Variants in SEMA3E observed in about 807,000 individuals in gnomAD.
SEMA3E encodes the protein semaphorin-3E.
Under a neutral mutation model 93.6 loss-of-function variants are expected in SEMA3E, and 49 were observed. That is an observed-to-expected ratio of 0.52 (90% CI 0.42 to 0.66). SEMA3E has a LOEUF of 0.66. Among genes scored for constraint, SEMA3E ranks in the 30% least tolerant of loss-of-function variants. SEMA3E has a pLI of 0.00. For missense variants in SEMA3E, 906 were observed against 964.8 expected, an observed-to-expected ratio of 0.94 and a Z score of 0.81; for synonymous variants, 363 against 330.7, an observed-to-expected ratio of 1.10 and a Z score of -1.06.
intron 14 of SEMA3E, among the ~76,000 whole-genome samples, chr7:83,388,622 C>A (rs1406558344): frequency 6.6e-6 from 1 of 151,832 alleles, no homozygotes; most frequent in Non-Finnish European, 1.5e-5. Context: ...GCATAGCTCC[C>A]AAAGTGACAA....
Position 83,570,539 on chromosome 7 carries a change from C to A in SEMA3E, c.115+77889G>T, listed in dbSNP as rs372536251. Among the ~76,000 whole-genome samples the A allele has an allele frequency of 8.3e-4, 78 of 93,828 alleles. 1 individual carries two copies. In the East Asian group the frequency reaches 0.02, roughly 24 times the overall value. 61.6% of individuals were successfully genotyped at this position (93,828 alleles called of 152,430 possible). On this transcript the variant is annotated intron_variant, in intron 1 of 16. Coordinates refer to ENST00000643230, the MANE Select transcript of SEMA3E (RefSeq NM_012431.3). ...CTGCACTCCAGCCTGGGCGACAGAG[C>A]GAGACTCCGTCTCAAAAAAAAAAAA... is the stretch of plus-strand genomic sequence containing the variant.
chr7:83,509,085 C>G (rs899673326), intron 1 of SEMA3E, among the ~76,000 whole-genome samples: 7 of 152,130 alleles, frequency 4.6e-5, no homozygotes, highest in African/African-American at 1.7e-4. Flanking sequence ...TAAAGTTTTA[C>G]AACTTTTATA....
chr7:83,374,316 T>A (rs1417260640), intron 16 of SEMA3E, among the ~76,000 whole-genome samples: 1 of 151,040 alleles, frequency 6.6e-6, no homozygotes, highest in African/African-American at 2.4e-5. Flanking sequence ...TAATACCAAA[T>A]GTTGGTGAGC....
intron 1 of SEMA3E, among the ~76,000 whole-genome samples, chr7:83,510,607 A>C (rs1439180330): frequency 6.6e-6 from 1 of 152,198 alleles, no homozygotes; most frequent in Non-Finnish European, 1.5e-5. Context: ...CTAGTAGAGA[A>C]AATGTATCTC....
At chr7:83,632,508 G>A (rs1383669490) in intron 1 of SEMA3E, among the ~76,000 whole-genome samples, 1 of 152,100 alleles carries the variant, frequency 6.6e-6, no homozygotes, top group African/African-American at 2.4e-5. Flanking sequence ...TTAAAAACAA[G>A]TCTCCCTGCA....
chr7:83,635,582 G>A (rs1214021375), intron 1 of SEMA3E, among the ~76,000 whole-genome samples: 1 of 151,284 alleles, frequency 6.6e-6, no homozygotes, highest in African/African-American at 2.4e-5. Context: ...ACAAACTTAA[G>A]GATATAGCAT....
At chr7:83,396,076 T>C (rs901761830) in intron 12 of SEMA3E, among the ~76,000 whole-genome samples, 3 of 127,186 alleles carry the variant, frequency 2.4e-5, no homozygotes, top group South Asian at 6.2e-4. Context: ...TGTGTATAAG[T>C]GCATATGTGC....
At chr7:83,619,329 C>G (rs1260318706) in intron 1 of SEMA3E, among the ~76,000 whole-genome samples, 1 of 151,498 alleles carries the variant, frequency 6.6e-6, no homozygotes, top group Non-Finnish European at 1.5e-5. Context: ...ATAAGTATGT[C>G]CACTAACAAT....
intron 1 of SEMA3E, among the ~76,000 whole-genome samples, chr7:83,617,011 C>T (rs1035894285): frequency 2.0e-5 from 3 of 152,248 alleles, no homozygotes; most frequent in Middle Eastern, 3.4e-3. Flanking sequence ...AGGCGTAAGC[C>T]ACCGTGCTTA....
intron 1 of SEMA3E, among the ~76,000 whole-genome samples, chr7:83,508,003 T>A (rs1386495563): frequency 6.6e-6 from 1 of 152,088 alleles, no homozygotes; most frequent in African/African-American, 2.4e-5. Context: ...ATATCAGTTA[T>A]AGTTCATAGT....
At chr7:83,589,041 G>A (rs909334962) in intron 1 of SEMA3E, among the ~76,000 whole-genome samples, 1 of 152,164 alleles carries the variant, frequency 6.6e-6, no homozygotes, top group Non-Finnish European at 1.5e-5. Flanking sequence ...GGAAAGGAGA[G>A]CTCTCCTTCA....
chr7:83,637,633 C>T (rs1212524959), intron 1 of SEMA3E, among the ~76,000 whole-genome samples: 1 of 152,010 alleles, frequency 6.6e-6, no homozygotes, highest in African/African-American at 2.4e-5. Flanking sequence ...GGGCTTTTCA[C>T]CTTTTGCTCT....
chr7:83,525,833 T>G (rs1410384789), intron 1 of SEMA3E, among the ~76,000 whole-genome samples: 2 of 150,420 alleles, frequency 1.3e-5, no homozygotes, highest in African/African-American at 4.9e-5. Flanking sequence ...ATGATTTCCT[T>G]AGCTATCCAG....
chr7:83,410,060 A>G (rs1788409019), intron 5 of SEMA3E, among the ~76,000 whole-genome samples: 1 of 151,828 alleles, frequency 6.6e-6, no homozygotes, highest in Non-Finnish European at 1.5e-5. Context: ...AAGTACTACT[A>G]TAATAGTCTT....
At chr7:83,493,211 A>G (rs755306852) in intron 1 of SEMA3E, among the ~76,000 whole-genome samples, 5 of 151,988 alleles carry the variant, frequency 3.3e-5, no homozygotes, top group Middle Eastern at 3.2e-3. Context: ...TTTGTTTTTC[A>G]TACTGTTGGA....
chr7:83,535,223 G>A (rs969764610), intron 1 of SEMA3E, among the ~76,000 whole-genome samples: 2 of 152,082 alleles, frequency 1.3e-5, no homozygotes, highest in Admixed American at 6.6e-5. Context: ...CTTGGGACTA[G>A]GTTCACTGGA....
intron 4 of SEMA3E, among the ~76,000 whole-genome samples, chr7:83,430,609 G>C (rs185067279): frequency 1.3e-5 from 2 of 152,022 alleles, no homozygotes; most frequent in African/African-American, 2.4e-5. Context: ...GTTCTCACTC[G>C]TAAGTGGGAG....
At chr7:83,602,440 C>T (rs902942851) in intron 1 of SEMA3E, among the ~76,000 whole-genome samples, 2 of 152,024 alleles carry the variant, frequency 1.3e-5, no homozygotes, top group Admixed American at 6.6e-5. Context: ...CAGATATGCC[C>T]TCATCTTACC....
At chr7:83,593,256 C>G (rs957189975) in intron 1 of SEMA3E, among the ~76,000 whole-genome samples, 3 of 117,984 alleles carry the variant, frequency 2.5e-5, no homozygotes, top group South Asian at 2.8e-4. Context: ...TTCTCTCTCT[C>G]TCTGTCTCTC....
Sources: allele counts gnomAD v4.1 joint callset (sites outside exome capture counted in the v4.1 genomes callset), GRCh38; gene constraint gnomAD v4.1.1; transcripts MANE v1.5; gene names NCBI Gene and HGNC (gene_info 2026-07-23, HGNC 2026-07-21).